Variants in NKAIN3 observed in about 807,000 individuals in gnomAD.
The protein encoded by NKAIN3 is sodium/potassium transporting ATPase interacting 3.
A neutral mutation model predicts 30.2 loss-of-function variants in NKAIN3; 25 were observed. The observed-to-expected ratio is 0.83, with a 90% CI of 0.60 to 1.16. The LOEUF (loss-of-function observed/expected upper bound fraction) is 1.16. NKAIN3 is among the 50% of genes most tolerant of loss of function. NKAIN3 has a pLI of 0.00. For missense variants in NKAIN3, 225 were observed against 254.1 expected (o/e 0.89, Z 0.78); for synonymous variants, 91 against 89.6 (o/e 1.02, Z -0.09).
At chr8:62,898,110 C>T (rs1821492081) in intron 4 of NKAIN3, among the ~76,000 whole-genome samples, 1 of 152,040 alleles carries the variant, frequency 6.6e-6, no homozygotes, top group African/African-American at 2.4e-5. Context: ...AATGAATCTC[C>T]TGGACCAAAA....
At chr8:62,430,366 G>GGTGTGT (rs59837325) in intron 1 of NKAIN3, among the ~76,000 whole-genome samples, 14,770 of 142,442 alleles carry the variant, frequency 0.1, 889 homozygotes, top group Non-Finnish European at 0.13. Context: ...TATATATTGT[G>GGTGTGT]GTGTGTGTGT....
chr8:62,685,826 A>C (rs1813784276), intron 3 of NKAIN3, among the ~76,000 whole-genome samples: 2 of 152,226 alleles, frequency 1.3e-5, no homozygotes, highest in Admixed American at 1.3e-4. Flanking sequence ...AAGTGTTCTC[A>C]GATAATTGGC....
At chr8:62,399,022 C>T (rs1585763611) in intron 1 of NKAIN3, among the ~76,000 whole-genome samples, 1 of 152,046 alleles carries the variant, frequency 6.6e-6, no homozygotes, top group South Asian at 2.1e-4. Flanking sequence ...ACCCGGAAGG[C>T]AGAGGTTGCA....
At chr8:62,840,560 G>A (rs1358852674) in intron 4 of NKAIN3, among the ~76,000 whole-genome samples, 3 of 152,018 alleles carry the variant, frequency 2.0e-5, no homozygotes, top group African/African-American at 7.2e-5. Context: ...TTGCTTGAGA[G>A]GCTCAGATTG....
At chr8:62,550,078 A>G (rs1809149280) in intron 1 of NKAIN3, among the ~76,000 whole-genome samples, 1 of 152,016 alleles carries the variant, frequency 6.6e-6, no homozygotes, top group Non-Finnish European at 1.5e-5. Context: ...CAATTATAAT[A>G]CATGGGTCCA....
intron 1 of NKAIN3, among the ~76,000 whole-genome samples, chr8:62,338,420 G>A (rs1356331442): frequency 6.6e-6 from 1 of 151,894 alleles, no homozygotes; most frequent in Non-Finnish European, 1.5e-5. Flanking sequence ...TTCCATTATG[G>A]AACTTATGTT....
intron 3 of NKAIN3, among the ~76,000 whole-genome samples, chr8:62,612,528 A>C (rs1318176967): frequency 7.9e-6 from 1 of 126,890 alleles, no homozygotes; most frequent in Non-Finnish European, 1.6e-5. Flanking sequence ...GCAACAGATC[A>C]ATGGGTCTTG....
At chr8:62,878,442 C>T (rs549349791) in intron 4 of NKAIN3, among the ~76,000 whole-genome samples, 22 of 152,208 alleles carry the variant, frequency 1.4e-4, no homozygotes, top group African/African-American at 4.3e-4. Context: ...CTCAACTCCT[C>T]GGACCCTCAA....
At chr8:62,310,715 G>T (rs553570692) in intron 1 of NKAIN3, among the ~76,000 whole-genome samples, 1 of 150,332 alleles carries the variant, frequency 6.7e-6, no homozygotes, top group African/African-American at 2.5e-5. Context: ...GCGCATCCTC[G>T]GGGGTTGTAC....
intron 3 of NKAIN3, among the ~76,000 whole-genome samples, chr8:62,638,924 T>C (rs1169877452): frequency 6.6e-6 from 1 of 152,208 alleles, no homozygotes; most frequent in African/African-American, 2.4e-5. Context: ...GTTTTCTTAA[T>C]GTAGTGTTCT....
intron 4 of NKAIN3, among the ~76,000 whole-genome samples, chr8:62,896,611 A>G (rs1040398460): frequency 3.3e-5 from 5 of 152,152 alleles, no homozygotes; most frequent in Non-Finnish European, 7.4e-5. Context: ...GTCAAGGTGT[A>G]ACTTGTTGCT....
chr8:62,253,286 G>A (rs1431428176), intron 1 of NKAIN3, among the ~76,000 whole-genome samples: 2 of 152,296 alleles, frequency 1.3e-5, no homozygotes, highest in East Asian at 3.9e-4. Flanking sequence ...TTATTGTAGA[G>A]AACATCTGAC....
At chr8:62,338,176 T>C (rs949546796) in intron 1 of NKAIN3, among the ~76,000 whole-genome samples, 1 of 151,990 alleles carries the variant, frequency 6.6e-6, no homozygotes, top group African/African-American at 2.4e-5. Flanking sequence ...TACCATTAGG[T>C]CCTTGTAGAA....
chr8:62,438,071 A>G (rs1805222112), intron 1 of NKAIN3, among the ~76,000 whole-genome samples: 1 of 152,154 alleles, frequency 6.6e-6, no homozygotes. Flanking sequence ...TTTAAACTGT[A>G]CTGTGGGTCC....
intron 4 of NKAIN3, among the ~76,000 whole-genome samples, chr8:62,816,038 C>G (rs138111928): frequency 2.0e-5 from 3 of 152,226 alleles, no homozygotes; most frequent in African/African-American, 7.2e-5. Flanking sequence ...TCATAGATTT[C>G]CTTTTCTATT....
intron 1 of NKAIN3, among the ~76,000 whole-genome samples, chr8:62,311,092 C>A (rs1330614547): frequency 6.7e-6 from 1 of 150,336 alleles, no homozygotes; most frequent in Non-Finnish European, 1.5e-5. Flanking sequence ...TGTTTACATG[C>A]AGGCTTTGAA....
rs377139045 is a variant in NKAIN3 at position 62,606,518 on chromosome 8, A to G, written c.273+16724A>G. ...TCCCCTTAAGAAAGTATGCTGCTGG[A>G]AAAAAAATGGCATAAAGAAGTCCTT... On this transcript the variant is annotated intron_variant, in intron 3 of 6. Transcript: ENST00000623646. Among the ~76,000 whole-genome samples, 112 of 149,734 alleles carry G rather than the reference A, an allele frequency of 7.5e-4. 1 individual carries two copies. In the Middle Eastern group the frequency reaches 0.021, roughly 28 times the overall value.
chr8:62,811,554 T>C (rs1037639643), intron 4 of NKAIN3, among the ~76,000 whole-genome samples: 5 of 152,036 alleles, frequency 3.3e-5, no homozygotes, highest in African/African-American at 1.2e-4. Flanking sequence ...ATTATTTCTT[T>C]ATTTTAACCA....
intron 5 of NKAIN3, among the ~76,000 whole-genome samples, chr8:62,919,468 A>T (rs1390484761): frequency 6.6e-6 from 1 of 151,630 alleles, no homozygotes; most frequent in Non-Finnish European, 1.5e-5. Context: ...GATGGTCTCG[A>T]TCTCCTGACC....
Sources: gnomAD v4.1 joint callset for allele counts (sites outside exome capture counted in the v4.1 genomes callset) on GRCh38, gnomAD v4.1.1 for gene constraint, MANE v1.5 for transcripts, NCBI Gene and HGNC (gene_info 2026-07-23, HGNC 2026-07-21) for gene names.